The following GPC6 variants were observed in gnomAD, a reference collection of about 807,000 sequenced individuals.
GPC6 encodes glypican 6, also known as glypican-6.
In GPC6, 14 loss-of-function variants were observed where a neutral mutation model predicts 55.2. That is an observed-to-expected ratio of 0.25 (90% CI 0.17 to 0.40). The LOEUF is 0.40. Ranked by LOEUF, GPC6 falls within the 10% of genes least tolerant of loss-of-function variation. The probability of loss-of-function intolerance (pLI) is 1.00; values close to 1 mark genes in which losing one functional copy is unlikely to be tolerated. For synonymous variants in GPC6, 278 were observed against 259.6 expected (o/e 1.07, Z -0.68); for missense variants, 641 against 708.5 (o/e 0.90, Z 1.08).
At chr13:93,274,982 A>G (rs1319163977) in intron 1 of GPC6, among the ~76,000 whole-genome samples, 2 of 152,226 alleles carry the variant, frequency 1.3e-5, no homozygotes, top group Non-Finnish European at 2.9e-5. Context: ...ATGGTTAGAC[A>G]CTGGAAAGAC....
chr13:93,221,570 C>T, the GPC6 span, among the ~76,000 whole-genome samples: 1 of 152,140 alleles, frequency 6.6e-6, no homozygotes, highest in Admixed American at 6.5e-5. Context: ...TATATTAGCA[C>T]TAGGTATATG....
chr13:94,306,754 T>C (rs999860692), intron 6 of GPC6, among the ~76,000 whole-genome samples: 3 of 152,190 alleles, frequency 2.0e-5, no homozygotes, highest in Non-Finnish European at 2.9e-5. Flanking sequence ...AATTTTTAAA[T>C]GTGTTTTAAA....
rs78487115 is a variant in GPC6 at position 93,710,698 on chromosome 13, C to A, written c.320-119456C>A. On this transcript the variant is annotated intron_variant, in intron 2 of 8. Coordinates refer to ENST00000377047, the MANE Select transcript of GPC6 (RefSeq NM_005708.5). ...ATTTGTCATTTAAAGTCCCCCCCCC[C>A]AAAAAAAATATGGTCTGTATGAAGA... is the stretch of plus-strand genomic sequence containing the variant. Among the ~76,000 whole-genome samples the A allele has an allele frequency of 4.3e-3, 625 of 145,942 alleles. 6 individuals are homozygous for A. The highest frequency in any genetic ancestry group is 0.012 in the African/African-American group (483 of 39,188).
chr13:94,047,422 CATCT>C (rs1253105225), intron 4 of GPC6, among the ~76,000 whole-genome samples: 1 of 151,924 alleles, frequency 6.6e-6, no homozygotes, highest in African/African-American at 2.4e-5. Flanking sequence ...TTTCAGCATC[CATCT>C]GTTTTCATTC....
At chr13:93,884,188 C>T (rs1333165973) in intron 3 of GPC6, among the ~76,000 whole-genome samples, 2 of 152,114 alleles carry the variant, frequency 1.3e-5, no homozygotes, top group Non-Finnish European at 1.5e-5. Context: ...TCAACTGGAC[C>T]TTGACACATG....
Position 93,550,234 on chromosome 13 carries a change from G to A in GPC6, c.319+4813G>A, listed in dbSNP as rs1875070079. Among the ~76,000 whole-genome samples the A allele has an allele frequency of 2.6e-5, 4 of 152,216 alleles. No individual in the cohort carries two copies. The South Asian group carries it at 8.3e-4, about 32-fold the overall frequency. ...AACACCCTATCCTCCAAGAATGTCT[G>A]TGGAATATGGATTATTCAGAGGCAG... On this transcript the variant is annotated intron_variant, in intron 2 of 8. Transcript: ENST00000377047.
intron 1 of GPC6, among the ~76,000 whole-genome samples, chr13:93,366,702 A>C (rs1160729771): frequency 6.6e-6 from 1 of 152,014 alleles, no homozygotes; most frequent in African/African-American, 2.4e-5. Flanking sequence ...TTTGCAATCC[A>C]TTTATTTGGG....
At chr13:93,942,771 C>T (rs1438020347) in intron 3 of GPC6, among the ~76,000 whole-genome samples, 2 of 152,184 alleles carry the variant, frequency 1.3e-5, no homozygotes, top group African/African-American at 4.8e-5. Flanking sequence ...TAGGGATCTA[C>T]ATACTGCCAA....
At chr13:94,285,854 G>A (rs760284807) in intron 4 of GPC6, among the ~76,000 whole-genome samples, 1 of 152,198 alleles carries the variant, frequency 6.6e-6, no homozygotes, top group Non-Finnish European at 1.5e-5. Context: ...ATGCTGAGTA[G>A]TGTGATCACA....
At chr13:94,064,156 T>G (rs1884435141) in intron 4 of GPC6, among the ~76,000 whole-genome samples, 1 of 152,196 alleles carries the variant, frequency 6.6e-6, no homozygotes, top group Non-Finnish European at 1.5e-5. Flanking sequence ...GGGACACGTT[T>G]ATGACATATG....
intron 4 of GPC6, among the ~76,000 whole-genome samples, chr13:94,225,902 A>G (rs897259951): frequency 1.1e-4 from 16 of 152,138 alleles, no homozygotes; most frequent in Non-Finnish European, 1.6e-4. Flanking sequence ...CCAGTGGGCA[A>G]GTTCTTCTAC....
At chr13:93,852,274 CACAAT>C (rs1888433206) in intron 3 of GPC6, among the ~76,000 whole-genome samples, 3 of 151,654 alleles carry the variant, frequency 2.0e-5, no homozygotes, top group Non-Finnish European at 4.4e-5. Context: ...CAGGTATATG[CACAAT>C]GCCTTTTGGA....
At chr13:93,809,749 T>C (rs1453718156) in intron 2 of GPC6, among the ~76,000 whole-genome samples, 2 of 152,204 alleles carry the variant, frequency 1.3e-5, no homozygotes, top group Non-Finnish European at 2.9e-5. Flanking sequence ...TTCTGTTTGC[T>C]GGTGTTCCCA....
intron 1 of GPC6, among the ~76,000 whole-genome samples, chr13:93,490,499 CTT>C (rs1295689738): frequency 2.7e-4 from 5 of 18,328 alleles, no homozygotes; most frequent in African/African-American, 9.3e-4. Flanking sequence ...ATTTTTTTTT[CTT>C]TTTTTTTTTT....
chr13:93,809,883 G>A (rs1200276405), intron 2 of GPC6, among the ~76,000 whole-genome samples: 2 of 152,170 alleles, frequency 1.3e-5, no homozygotes, highest in African/African-American at 4.8e-5. Flanking sequence ...CCTGGCCCCA[G>A]AGAAGTTTCA....
chr13:93,936,678 T>C (rs1878450467), intron 3 of GPC6, among the ~76,000 whole-genome samples: 1 of 152,178 alleles, frequency 6.6e-6, no homozygotes, highest in Non-Finnish European at 1.5e-5. Flanking sequence ...TGAAATGGCT[T>C]ATTTACTTAT....
chr13:93,651,871 C>G (rs1880429947), intron 2 of GPC6, among the ~76,000 whole-genome samples: 1 of 152,172 alleles, frequency 6.6e-6, no homozygotes. Flanking sequence ...ATATTCCACT[C>G]CAGACCAATT....
At chr13:94,042,551 T>C (rs1468989493) in intron 4 of GPC6, among the ~76,000 whole-genome samples, 1 of 151,910 alleles carries the variant, frequency 6.6e-6, no homozygotes, top group Non-Finnish European at 1.5e-5. Flanking sequence ...TTCTCCACTT[T>C]CCTTATCTCT....
At chr13:94,082,161 C>G (rs1885123831) in intron 4 of GPC6, among the ~76,000 whole-genome samples, 1 of 151,944 alleles carries the variant, frequency 6.6e-6, no homozygotes, top group Non-Finnish European at 1.5e-5. Flanking sequence ...TTTTAAAATT[C>G]TCTTACAAAA....
Sources: gnomAD v4.1 joint callset for allele counts (sites outside exome capture counted in the v4.1 genomes callset) on GRCh38, gnomAD v4.1.1 for gene constraint, MANE v1.5 for transcripts, NCBI Gene and HGNC (gene_info 2026-07-23, HGNC 2026-07-21) for gene names.